The following USP31 variants were observed in gnomAD, a reference collection of about 807,000 sequenced individuals.
USP31 encodes ubiquitin carboxyl-terminal hydrolase 31.
USP31 carries 44 observed loss-of-function variants against 119.4 expected under a neutral mutation model. The ratio of observed to expected loss-of-function variants is 0.37; its 90% confidence interval spans 0.29 to 0.47. USP31 has a LOEUF of 0.47. Ranked by LOEUF, USP31 falls within the 20% of genes least tolerant of loss-of-function variation. The probability of loss-of-function intolerance (pLI) is 0.99; values close to 1 mark genes in which losing one functional copy is unlikely to be tolerated. For missense variants in USP31, 1,643 were observed against 1,730.2 expected (o/e 0.95, Z 0.89); for synonymous variants, 749 against 705.6 (o/e 1.06, Z -0.97).
intron 1 of USP31, among the ~76,000 whole-genome samples, chr16:23,122,832 T>G (rs1215137384): frequency 6.6e-5 from 10 of 151,934 alleles, no homozygotes; most frequent in Admixed American, 5.2e-4. Flanking sequence ...ATGGGGTTTT[T>G]GGGGGGGATA....
At chr16:23,143,722 G>A (rs181409355) in intron 1 of USP31, among the ~76,000 whole-genome samples, 37 of 152,250 alleles carry the variant, frequency 2.4e-4, no homozygotes, top group African/African-American at 8.7e-4. Context: ...CAGCACTACT[G>A]ACACTTTGGG....
chr16:23,130,172 T>TA (rs1490734540), intron 1 of USP31, among the ~76,000 whole-genome samples: 1 of 152,176 alleles, frequency 6.6e-6, no homozygotes, highest in Admixed American at 6.6e-5. Context: ...TGAGAAAGCT[T>TA]AAATACCAAG....
rs766976305 is a variant in USP31 at position 23,069,205 on chromosome 16, C to T, written c.2900G>A (p.Ser967Asn). ...GCGGTCCCCTTGTGCTGAATGTTTG[C>T]TCTGTGTATCTACGACACTGGAGTT... The part of the protein sequence containing the change: ...RLNSSVVDTQ[S>N]KHSAQGDRLP... Residue 967 changes from serine to asparagine, a missense_variant, in exon 16 of 16, where the codon AGC becomes AAC. This residue lies in a region of USP31 where 699 missense variants were observed against 650.9 expected (regional missense o/e 1.07). Transcript: ENST00000219689. 1 of 1,614,220 alleles carries T rather than the reference C, an allele frequency of 6.2e-7. No homozygotes were observed. Among genetic ancestry groups the T allele is most frequent in the South Asian group, 1.1e-5 (1 of 91,078 alleles).
chr16:23,107,795 A>G (rs1026803768), intron 2 of USP31, among the ~76,000 whole-genome samples: 4 of 152,214 alleles, frequency 2.6e-5, no homozygotes, highest in African/African-American at 7.2e-5. Context: ...TTTTAATCTG[A>G]AGCTCATCAT....
At chr16:23,119,781 T>C (rs1356309931) in intron 1 of USP31, among the ~76,000 whole-genome samples, 3 of 152,256 alleles carry the variant, frequency 2.0e-5, no homozygotes, top group African/African-American at 7.2e-5. Flanking sequence ...AGTTGCAGCA[T>C]GTGAAGAACT....
intron 13 of USP31, among the ~76,000 whole-genome samples, chr16:23,078,604 T>C (rs978514443): frequency 6.6e-6 from 1 of 152,142 alleles, no homozygotes; most frequent in Non-Finnish European, 1.5e-5. Flanking sequence ...ACAGAACCCA[T>C]GATGTGGGAC....
At chr16:23,095,295 G>GA (rs965944225) in intron 6 of USP31, among the ~76,000 whole-genome samples, 1 of 152,074 alleles carries the variant, frequency 6.6e-6, no homozygotes, top group Non-Finnish European at 1.5e-5. Flanking sequence ...CAAGGTTAGA[G>GA]AAAAAAGAGT....
chr16:23,133,510 A>T (rs1407642354), intron 1 of USP31, among the ~76,000 whole-genome samples: 5 of 152,156 alleles, frequency 3.3e-5, no homozygotes, highest in Non-Finnish European at 7.4e-5. Flanking sequence ...ACTGATTTTT[A>T]TATGTTTTTA....
chr16:23,107,809 T>C (rs1902168281), intron 2 of USP31, among the ~76,000 whole-genome samples: 1 of 152,194 alleles, frequency 6.6e-6, no homozygotes, highest in African/African-American at 2.4e-5. Context: ...TCATCATACA[T>C]GCAAATGTTT....
chr16:23,073,649 A>G (rs1900435263), intron 14 of USP31, 73 bp downstream of exon 14: 5 of 1,535,868 alleles, frequency 3.3e-6, no homozygotes, highest in South Asian at 1.2e-5. Context: ...GAGCCTCCAG[A>G]GAGGTCCTCT....
At chr16:23,129,981 T>C (rs1454290270) in intron 1 of USP31, among the ~76,000 whole-genome samples, 1 of 152,174 alleles carries the variant, frequency 6.6e-6, no homozygotes, top group East Asian at 1.9e-4. Flanking sequence ...CAGATTTCTC[T>C]ATACCAGGCA....
intron 1 of USP31, among the ~76,000 whole-genome samples, chr16:23,127,562 A>C (rs1449719110): frequency 2.0e-5 from 3 of 151,958 alleles, no homozygotes; most frequent in African/African-American, 7.3e-5. Flanking sequence ...GCCTGGGTTC[A>C]AGTGATTCTC....
intron 1 of USP31, among the ~76,000 whole-genome samples, chr16:23,144,084 T>C (rs185799808): frequency 6.6e-6 from 1 of 152,322 alleles, no homozygotes; most frequent in East Asian, 1.9e-4. Flanking sequence ...AACAACCATC[T>C]AGCCCATCCA....
chr16:23,102,069 T>C (rs1901898240), intron 6 of USP31, among the ~76,000 whole-genome samples: 1 of 151,058 alleles, frequency 6.6e-6, no homozygotes, highest in South Asian at 2.1e-4. Flanking sequence ...TCACAGTCAG[T>C]CCTAAATCTC....
rs374335397 is a variant in USP31 at position 23,084,812 on chromosome 16, C to T, written c.1830+48G>A. 29 of 1,604,572 alleles carry T rather than the reference C, an allele frequency of 1.8e-5. No individual in the cohort carries two copies. The African/African-American group carries it at 3.6e-4, about 20-fold the overall frequency. ...TCTCCACTATCACCTTGCCATGCCC[C>T]ACTCCCCACTGCCCTGAGCAACCAA... On this transcript the variant is annotated intron_variant, in intron 11 of 15. Coordinates refer to ENST00000219689, the MANE Select transcript of USP31 (RefSeq NM_020718.4).
At chr16:23,095,948 G>A (rs1467592885) in intron 6 of USP31, among the ~76,000 whole-genome samples, 2 of 152,102 alleles carry the variant, frequency 1.3e-5, no homozygotes, top group African/African-American at 4.8e-5. Context: ...TTAACGGGCA[G>A]AATAACCAAA....
At chr16:23,115,852 T>C (rs4967971) in intron 1 of USP31, 66,523 of 885,086 alleles carry the variant, frequency 0.075, 2,586 homozygotes, top group Non-Finnish European at 0.081. Context: ...AAAAAAGAGT[T>C]GGAAACATGG....
In USP31 at chr16:23,135,041, G is replaced by A. The variant is rs75869183; in HGVS notation, c.633+13597C>T. 4.5e-3 allele frequency among the ~76,000 whole-genome samples: 668 copies of A among 149,758 alleles called. 4 individuals are homozygous for A. The highest frequency in any genetic ancestry group is 7.1e-3 in the Non-Finnish European group (479 of 67,648). The stretch of plus-strand genomic sequence containing the variant: ...GACGTTCAACATATGAAAATTGATC[G>A]TAACATTAACAAAATAATGAGAAAA... On this transcript the variant is annotated intron_variant, in intron 1 of 15. Coordinates refer to ENST00000219689, the MANE Select transcript of USP31 (RefSeq NM_020718.4).
chr16:23,096,920 C>A (rs908501951), intron 6 of USP31, among the ~76,000 whole-genome samples: 13 of 151,984 alleles, frequency 8.6e-5, no homozygotes, highest in Non-Finnish European at 1.3e-4. Context: ...CTTAACATCA[C>A]AATTAAAAGA....
Sources: gnomAD v4.1 joint callset for allele counts (sites outside exome capture counted in the v4.1 genomes callset) on GRCh38, gnomAD v4.1.1 for gene constraint, gnomAD v4.1.1 regional missense constraint, MANE v1.5 for transcripts, NCBI Gene and HGNC (gene_info 2026-07-23, HGNC 2026-07-21) for gene names.